Variants in DNM1 observed in about 807,000 individuals in gnomAD.
DNM1 encodes dynamin-1.
Under a neutral mutation model 104.6 loss-of-function variants are expected in DNM1, and 29 were observed. The observed-to-expected ratio is 0.28, with a 90% CI of 0.21 to 0.38. DNM1 has a LOEUF of 0.38. Among genes scored for constraint, DNM1 ranks in the 10% least tolerant of loss-of-function variants. DNM1 has a pLI of 1.00. For synonymous variants in DNM1, 445 were observed against 475.8 expected, an observed-to-expected ratio of 0.94 and a Z score of 0.84; for missense variants, 640 against 1,189.4, an observed-to-expected ratio of 0.54 and a Z score of 6.79.
chr9:128,224,146 G>A lies in DNM1; in HGVS notation c.1197-105G>A. On this transcript the variant is annotated intron_variant, in intron 9 of 21. Coordinates refer to ENST00000372923, the MANE Select transcript of DNM1 (RefSeq NM_004408.4). The surrounding 1 kb of genome is among the most constrained non-coding windows in gnomAD (Gnocchi z 4.3). ...GAGGCCCAGAGAGGGGTAGTGGAAG[G>A]GCCCCTCAGGCAGAGTTCGTGGGCT... 7.0e-7 allele frequency: 1 copy of A among 1,428,136 alleles called. No individual in the cohort carries two copies. The highest frequency in any genetic ancestry group is 9.4e-7 in the Non-Finnish European group (1 of 1,067,628). 88.5% of individuals were successfully genotyped at this position (1,428,136 alleles called of 1,614,324 possible). A position where few individuals can be genotyped will look rare whatever the true frequency, so the allele number is the denominator to read the frequency against.
In DNM1 at chr9:128,224,121, G is replaced by A; in HGVS notation, c.1197-130G>A. 8.4e-7 allele frequency: 1 copy of A among 1,194,308 alleles called. No individual in the cohort carries two copies. The highest frequency in any genetic ancestry group is 1.1e-6 in the Non-Finnish European group (1 of 875,506). The allele number at this position is 1,194,308 out of a possible 1,614,324, so 74.0% of individuals were successfully genotyped here. A position where few individuals can be genotyped will look rare whatever the true frequency, so the allele number is the denominator to read the frequency against. On this transcript the variant is annotated intron_variant, in intron 9 of 21. Transcript: ENST00000372923. The surrounding 1 kb of genome is among the most constrained non-coding windows in gnomAD (Gnocchi z 4.3). ...CTCCCATTTTACAACTGGGGACACT[G>A]AGGCCCAGAGAGGGGTAGTGGAAGG...
chr9:128,218,186 G>A lies in DNM1; in HGVS notation c.162-45G>A, dbSNP rs770535069. 8.0e-5 allele frequency: 126 copies of A among 1,584,776 alleles called. 1 individual carries two copies. The highest frequency in any genetic ancestry group is 1.0e-4 in the Non-Finnish European group (118 of 1,153,434). On this transcript the variant is annotated intron_variant, in intron 1 of 21. Transcript: ENST00000372923. This position sits in a 1 kb window ranked among gnomAD's most constrained non-coding sequence, Gnocchi z 4.8. ...GACAGGTACCCCTGGGACAGAGGGCGCCCCCTCATATCTTGACCCTCCTTT... is the reference window on the plus strand; with the variant it reads ...GACAGGTACCCCTGGGACAGAGGGCACCCCCTCATATCTTGACCCTCCTTT...
chr9:128,234,296 T>C lies in DNM1; in HGVS notation c.1422+189T>C, dbSNP rs114297011. ...GTAAAATACACATAACATACCACTT[T>C]AGCCATGTTTAAGCGCACAGTTCAG... is the stretch of plus-strand genomic sequence containing the variant. On this transcript the variant is annotated intron_variant, in intron 11 of 21. Coordinates refer to ENST00000372923, the MANE Select transcript of DNM1 (RefSeq NM_004408.4). Among the ~76,000 whole-genome samples the C allele has an allele frequency of 0.038, 5,736 of 152,328 alleles. 356 individuals carry two copies. The highest frequency in any genetic ancestry group is 0.13 in the African/African-American group (5,406 of 41,558).
At chr9:128,234,731 C>T (rs1835905997) in intron 11 of DNM1, 1 of 152,132 alleles carries the variant, frequency 6.6e-6, no homozygotes, top group Admixed American at 6.6e-5. Flanking sequence ...ACTAACATCC[C>T]ATTCCCTGCT....
intron 10 of DNM1, among the ~76,000 whole-genome samples, chr9:128,229,044 A>G (rs981232795): frequency 6.6e-6 from 1 of 152,134 alleles, no homozygotes; most frequent in Non-Finnish European, 1.5e-5. Context: ...ATATTCACCA[A>G]TAGGAAAATG....
chr9:128,218,233 A>T lies in DNM1; in HGVS notation c.164A>T (p.Asp55Val). The T allele has an allele frequency of 1.2e-6, 2 of 1,613,858 alleles. No individual in the cohort carries two copies. Among genetic ancestry groups the T allele is most frequent in the Non-Finnish European group, 1.7e-6 (2 of 1,179,940 alleles). ...CTTTGACCTCCAACTCATTGCAGGGACTTCTTGCCTCGAGGATCTGGCATT... is the reference window on the plus strand; with the variant it reads ...CTTTGACCTCCAACTCATTGCAGGGTCTTCTTGCCTCGAGGATCTGGCATT... ...SSVLENFVGR[D>V]FLPRGSGIVT... Residue 55 changes from aspartate to valine, a missense_variant and splice_region_variant, in exon 2 of 22, where the codon GAC (aspartate) becomes GTC (valine). Physicochemically the swap from Asp to Val is radical, Grantham distance 152 (BLOSUM62 -3). This residue lies in a region of DNM1 where 172 missense variants were observed against 335.3 expected (regional missense o/e 0.51). Coordinates refer to ENST00000372923, the MANE Select transcript of DNM1 (RefSeq NM_004408.4). This position sits in a 1 kb window ranked among gnomAD's most constrained non-coding sequence, Gnocchi z 4.8.
chr9:128,244,159 A>G (rs1185043759), intron 15 of DNM1, among the ~76,000 whole-genome samples: 1 of 146,126 alleles, frequency 6.8e-6, no homozygotes, highest in Non-Finnish European at 1.5e-5. Flanking sequence ...TCTAGGAGGG[A>G]GGGTGTGAGT....
At chr9:128,221,454 G>A (rs1375290275) in intron 6 of DNM1, among the ~76,000 whole-genome samples, 2 of 152,170 alleles carry the variant, frequency 1.3e-5, no homozygotes, top group South Asian at 4.1e-4. Flanking sequence ...TGTTTCATAG[G>A]ATTGTTGTAA....
At chr9:128,207,721 C>A (rs1262193177) in intron 1 of DNM1, among the ~76,000 whole-genome samples, 1 of 152,168 alleles carries the variant, frequency 6.6e-6, no homozygotes, top group Non-Finnish European at 1.5e-5. Flanking sequence ...ATAGCACATC[C>A]CTTGTGAGAT....
At chr9:128,210,610 G>A (rs1047569458) in intron 1 of DNM1, among the ~76,000 whole-genome samples, 4 of 152,092 alleles carry the variant, frequency 2.6e-5, no homozygotes, top group Non-Finnish European at 4.4e-5. Flanking sequence ...TGATCTGCCC[G>A]CCTTGGCCTT....
At position 128,253,071 on chromosome 9, in the gene DNM1, C is replaced by G. The variant is rs373308436; in HGVS notation, c.2535-1583C>G. On this transcript the variant is annotated intron_variant, in intron 21 of 21. Transcript: ENST00000372923. The surrounding 1 kb of genome is among the most constrained non-coding windows in gnomAD (Gnocchi z 5.9). ...GGCCGGCCCCACCCGTGCGTGTGAA[C>G]TGCCATGTTGATTTCGTGCTGTCTT... 2 of 1,611,288 alleles carry G rather than the reference C, an allele frequency of 1.2e-6. No homozygotes were observed. The highest frequency in any genetic ancestry group is 2.7e-5 in the African/African-American group (2 of 74,896).
In DNM1 at chr9:128,222,785, C is replaced by G. The variant is rs770397748; in HGVS notation, c.1129-8C>G. ...CCTGACCAGGCTTTTCTCTGCTTTT[C>G]TACACAGATGGAGTTTGATGAGAAG... On this transcript the variant is annotated splice_region_variant and splice_polypyrimidine_tract_variant and intron_variant, in intron 8 of 21. Coordinates refer to ENST00000372923, the MANE Select transcript of DNM1 (RefSeq NM_004408.4). This position sits in a 1 kb window ranked among gnomAD's most constrained non-coding sequence, Gnocchi z 7.8. 2 of 1,614,118 alleles carry G rather than the reference C, an allele frequency of 1.2e-6. No individual in the cohort carries two copies. Among genetic ancestry groups the G allele is most frequent in the Non-Finnish European group, 1.7e-6 (2 of 1,179,994 alleles).
rs1588382122 is a variant in DNM1 at position 128,225,898 on chromosome 9, C to T, written c.1335+1509C>T. 2.2e-5 allele frequency: 16 copies of T among 733,250 alleles called. No individual in the cohort carries two copies. In the East Asian group the frequency reaches 2.6e-4, roughly 12 times the overall value. 45.4% of individuals were successfully genotyped at this position (733,250 alleles called of 1,614,324 possible). On this transcript the variant is annotated intron_variant, in intron 10 of 21. Transcript: ENST00000372923. ...GTTCTCTCTCTCTCTTTATCTGTGT[C>T]GATGTCTCTCTCTCTTCCCCCGTGC...
chr9:128,226,182 G>A, intron 10 of DNM1: 1 of 1,612,614 alleles, frequency 6.2e-7, no homozygotes, highest in South Asian at 1.1e-5. Flanking sequence ...AGGTATGACG[G>A]CCGCCTGGGC....
At chr9:128,233,324 C>T (rs1835812224) in intron 10 of DNM1, among the ~76,000 whole-genome samples, 1 of 152,184 alleles carries the variant, frequency 6.6e-6, no homozygotes, top group African/African-American at 2.4e-5. Flanking sequence ...ATGGATTCCA[C>T]CAAGAGGGCC....
chr9:128,249,125 G>A (rs959672337), intron 19 of DNM1, among the ~76,000 whole-genome samples: 2 of 151,528 alleles, frequency 1.3e-5, no homozygotes, highest in African/African-American at 2.4e-5. Context: ...CCCAGGAGGC[G>A]GAGGTTGCAG....
chr9:128,205,145 C>T (rs879573695), intron 1 of DNM1, among the ~76,000 whole-genome samples: 3 of 152,150 alleles, frequency 2.0e-5, no homozygotes, highest in African/African-American at 7.2e-5. Flanking sequence ...ACATGACCCC[C>T]GGAGCTGCAG....
At position 128,254,155 on chromosome 9, in the gene DNM1, G is replaced by C; in HGVS notation, c.2535-499G>C. On this transcript the variant is annotated intron_variant, in intron 21 of 21. Transcript: ENST00000372923. The surrounding 1 kb of genome is among the most constrained non-coding windows in gnomAD (Gnocchi z 6.1). ...CCCTTCAGAGGGTCCTGGGTTTTCT[G>C]AACACCCAGAGGGGCCTCCGGCGCT... 7.7e-7 allele frequency: 1 copy of C among 1,297,376 alleles called. No homozygotes were observed. Among genetic ancestry groups the C allele is most frequent in the South Asian group, 2.8e-5 (1 of 36,236 alleles). The allele number at this position is 1,297,376 out of a possible 1,614,324, so 80.4% of individuals were successfully genotyped here.
At chr9:128,217,795 A>G (rs1834702395) in intron 1 of DNM1, among the ~76,000 whole-genome samples, 2 of 152,206 alleles carry the variant, frequency 1.3e-5, no homozygotes, top group African/African-American at 4.8e-5. Flanking sequence ...AGGGGAAGTG[A>G]GATGCTGCCC....
Sources: gnomAD v4.1 joint callset for allele counts (sites outside exome capture counted in the v4.1 genomes callset) on GRCh38, gnomAD v4.1.1 for gene constraint, gnomAD v4.1.1 regional missense constraint, Gnocchi (gnomAD v3.1) non-coding constraint, MANE v1.5 for transcripts, NCBI Gene and HGNC (gene_info 2026-07-23, HGNC 2026-07-21) for gene names.